Variants in HS6ST3 observed in about 807,000 individuals in gnomAD.
HS6ST3 encodes heparan sulfate 6-O-sulfotransferase 3, also known as heparan-sulfate 6-O-sulfotransferase 3.
A neutral mutation model predicts 36.7 loss-of-function variants in HS6ST3; 12 were observed. The ratio of observed to expected loss-of-function variants is 0.33; its 90% CI spans 0.21 to 0.53. The LOEUF (loss-of-function observed/expected upper bound fraction) is 0.53, where lower values mean the gene tolerates loss of function less well. Ranked by LOEUF, HS6ST3 falls within the 20% of genes least tolerant of loss-of-function variation. The probability of loss-of-function intolerance (pLI) is 0.95; values close to 1 mark genes in which losing one functional copy is unlikely to be tolerated. For missense variants in HS6ST3, 584 were observed against 640.9 expected (o/e 0.91, Z 0.96); for synonymous variants, 240 against 257.5 (o/e 0.93, Z 0.65).
intron 1 of HS6ST3, among the ~76,000 whole-genome samples, chr13:96,485,317 T>A (rs574481336): frequency 7.2e-5 from 11 of 151,804 alleles, no homozygotes; most frequent in African/African-American, 2.7e-4. Flanking sequence ...TTATTAGAGT[T>A]ATACCAAAAT....
At chr13:96,221,008 A>T (rs925545195) in intron 1 of HS6ST3, among the ~76,000 whole-genome samples, 1 of 152,206 alleles carries the variant, frequency 6.6e-6, no homozygotes, top group Non-Finnish European at 1.5e-5. Context: ...AAATATTATT[A>T]TACATTTGGG....
chr13:96,316,269 G>A (rs9582043), intron 1 of HS6ST3, among the ~76,000 whole-genome samples: 55 of 88,156 alleles, frequency 6.2e-4, no homozygotes, highest in African/African-American at 1.8e-3. Context: ...GTGTGTGTGT[G>A]TGTGTGTGTG....
Position 96,340,419 on chromosome 13 carries a change from C to T in HS6ST3, c.707+248850C>T, listed in dbSNP as rs552696939. On this transcript the variant is annotated intron_variant, in intron 1 of 1. Transcript: ENST00000376705. ...CTACATTTTCTTCAAATATGAAGGA[C>T]GGATGATAATAATCCCTGTGACATA... 5.9e-5 allele frequency among the ~76,000 whole-genome samples: 9 copies of T among 152,312 alleles called. No homozygotes were observed. The South Asian group carries it at 6.2e-4, about 11-fold the overall frequency.
intron 1 of HS6ST3, among the ~76,000 whole-genome samples, chr13:96,695,319 A>G (rs1184023928): frequency 5.3e-5 from 8 of 152,206 alleles, no homozygotes; most frequent in Admixed American, 5.2e-4. Context: ...TGCAGTTGCC[A>G]TTGCCCTTCT....
intron 1 of HS6ST3, among the ~76,000 whole-genome samples, chr13:96,355,250 A>G (rs944535422): frequency 1.3e-5 from 2 of 152,228 alleles, no homozygotes; most frequent in Middle Eastern, 3.4e-3. Context: ...GGAGGAGGTC[A>G]AAATATCACC....
chr13:96,301,778 T>G (rs1209261966), intron 1 of HS6ST3, among the ~76,000 whole-genome samples: 7 of 151,404 alleles, frequency 4.6e-5, no homozygotes, highest in Admixed American at 4.0e-4. Context: ...GGCACGGTGG[T>G]GGGTGCCTTT....
chr13:96,138,814 AT>A (rs2054015485), intron 1 of HS6ST3, among the ~76,000 whole-genome samples: 1 of 152,174 alleles, frequency 6.6e-6, no homozygotes. Flanking sequence ...TGTGGAAAAA[AT>A]GATATAAAAT....
chr13:96,381,375 CATCT>C (rs1268954236), intron 1 of HS6ST3, among the ~76,000 whole-genome samples: 5 of 87,512 alleles, frequency 5.7e-5, no homozygotes, highest in African/African-American at 1.4e-4. Flanking sequence ...TCTATTTATC[CATCT>C]ATCTATGTAT....
At chr13:96,727,237 G>A (rs1238334238) in intron 1 of HS6ST3, among the ~76,000 whole-genome samples, 1 of 152,120 alleles carries the variant, frequency 6.6e-6, no homozygotes, top group Non-Finnish European at 1.5e-5. Context: ...TCTGTAAAGT[G>A]GGGATAATAA....
At chr13:96,714,201 C>T (rs1045074935) in intron 1 of HS6ST3, among the ~76,000 whole-genome samples, 9 of 151,792 alleles carry the variant, frequency 5.9e-5, no homozygotes, top group Admixed American at 2.6e-4. Flanking sequence ...AAAAGTATAA[C>T]GTCTATATAA....
chr13:96,191,485 C>T (rs1383571957), intron 1 of HS6ST3, among the ~76,000 whole-genome samples: 2 of 152,166 alleles, frequency 1.3e-5, no homozygotes, highest in East Asian at 3.8e-4. Context: ...TCCATTCCTG[C>T]ACCTGGATAA....
intron 1 of HS6ST3, among the ~76,000 whole-genome samples, chr13:96,807,616 G>C (rs953574148): frequency 7.9e-5 from 12 of 152,200 alleles, no homozygotes; most frequent in Admixed American, 1.3e-4. Flanking sequence ...GAGTATTTGA[G>C]ATGATTGTCA....
intron 1 of HS6ST3, among the ~76,000 whole-genome samples, chr13:96,374,769 C>T (rs6491287): frequency 0.39 from 59,023 of 151,924 alleles, 12,107 homozygotes; most frequent in African/African-American, 0.51. Flanking sequence ...CCCTCTGTCC[C>T]TCCCTTGTGC....
At chr13:96,583,267 G>GCAA (rs1343687470) in intron 1 of HS6ST3, among the ~76,000 whole-genome samples, 1 of 115,442 alleles carries the variant, frequency 8.7e-6, no homozygotes, top group Non-Finnish European at 1.6e-5. Flanking sequence ...AGGCTGGTGT[G>GCAA]CAATGGTGCC....
At chr13:96,593,705 A>AT (rs1368047688) in intron 1 of HS6ST3, among the ~76,000 whole-genome samples, 3 of 151,312 alleles carry the variant, frequency 2.0e-5, no homozygotes, top group East Asian at 2.0e-4. Context: ...TTTATTTTGA[A>AT]TTTTTTTGCA....
At chr13:96,383,853 G>A (rs935935268) in intron 1 of HS6ST3, among the ~76,000 whole-genome samples, 1 of 152,200 alleles carries the variant, frequency 6.6e-6, no homozygotes, top group Non-Finnish European at 1.5e-5. Context: ...CAGAGGTCAG[G>A]ATGAGGCCCA....
chr13:96,582,903 G>A (rs760575641), intron 1 of HS6ST3, among the ~76,000 whole-genome samples: 1 of 151,912 alleles, frequency 6.6e-6, no homozygotes, highest in South Asian at 2.1e-4. Flanking sequence ...TAATTTTTTT[G>A]TATAAGTATG....
chr13:96,503,049 G>T (rs2056011716), intron 1 of HS6ST3, among the ~76,000 whole-genome samples: 1 of 152,102 alleles, frequency 6.6e-6, no homozygotes, highest in Non-Finnish European at 1.5e-5. Context: ...TCACTAAAAA[G>T]AGTTTTTCTT....
At chr13:96,111,742 T>C (rs1409039685) in intron 1 of HS6ST3, among the ~76,000 whole-genome samples, 10 of 152,174 alleles carry the variant, frequency 6.6e-5, no homozygotes, top group Admixed American at 6.5e-4. Flanking sequence ...ATAATGAAAA[T>C]ATCTCATTCA....
Sources: allele counts gnomAD v4.1 joint callset (sites outside exome capture counted in the v4.1 genomes callset), GRCh38; gene constraint gnomAD v4.1.1; transcripts MANE v1.5; gene names NCBI Gene and HGNC (gene_info 2026-07-23, HGNC 2026-07-21).